Variants in ANKAR observed in about 807,000 individuals in gnomAD.
ANKAR encodes ankyrin and armadillo repeat-containing protein.
ANKAR carries 136 observed loss-of-function variants against 146.2 expected under a neutral mutation model. That is an observed-to-expected ratio of 0.93 (90% confidence interval 0.81 to 1.07). ANKAR has a LOEUF of 1.07. Ranked by LOEUF, ANKAR falls within the 50% of genes least tolerant of loss-of-function variation. The pLI is 0.00. For synonymous variants in ANKAR, 500 were observed against 575.8 expected, an observed-to-expected ratio of 0.87 and a Z score of 1.88; for missense variants, 1,567 against 1,679.9, an observed-to-expected ratio of 0.93 and a Z score of 1.18.
rs1463678844 is a variant in ANKAR, at chr2:189,676,678, C to T, written c.188C>T (p.Ser63Phe). 8.7e-6 allele frequency: 14 copies of T among 1,614,166 alleles called. No homozygotes were observed. Among genetic ancestry groups the T allele is most frequent in the African/African-American group, 1.3e-5 (1 of 75,026 alleles). ...TTGTCTGCCAAAGAGGATGTGCGCT[C>T]TCAAGTAGACCTCCCATGTGGAATT... ...SWLSAKEDVR[S>F]QVDLPCGIMS... The change falls in exon 2 of 23, where the codon TCT becomes TTT. Residue 63 changes from serine to phenylalanine, a missense_variant. Coordinates refer to ENST00000684021, the MANE Select transcript of ANKAR (RefSeq NM_001378068.1).
In ANKAR at chr2:189,730,505, T is replaced by A; in HGVS notation, c.3204T>A (p.His1068Gln). The A allele has an allele frequency of 6.3e-7, 1 of 1,598,380 alleles. No individual in the cohort carries two copies. The highest frequency in any genetic ancestry group is 8.5e-7 in the Non-Finnish European group (1 of 1,170,462). The change falls in exon 16 of 23, where the codon CAT becomes CAA. Residue 1068 changes from histidine to glutamine, a missense_variant. His to Gln is a conservative substitution (Grantham distance 24). Transcript: ENST00000684021. Reference protein sequence around the residue: ...AVGSICIGVAHTSNPVSQQLV... With the variant: ...AVGSICIGVAQTSNPVSQQLV... ...CGTGGACTCTTACAGGTGTAGCCCA[T>A]ACAAGCAATCCTGTCAGTCAACAAT...
Position 189,737,834 on chromosome 2 carries a change from C to A in ANKAR, c.3575C>A (p.Ala1192Glu). The A allele has an allele frequency of 6.5e-7, 1 of 1,549,686 alleles. No individual in the cohort carries two copies. Among genetic ancestry groups the A allele is most frequent in the South Asian group, 1.2e-5 (1 of 80,724 alleles). Reference protein sequence around the residue: ...STVETEKAMAAFQIVVLAKVI... With the variant: ...STVETEKAMAEFQIVVLAKVI... ...GTTGAAACTGAGAAGGCAATGGCAG[C>A]ATTTCAGGTATAAAATTGAGATTAA... Residue 1192 changes from alanine (A) to glutamate (E), a missense_variant, in exon 18 of 23, where the codon GCA becomes GAA. Physicochemically the swap from Ala to Glu is moderately radical, Grantham distance 107. Coordinates refer to ENST00000684021, the MANE Select transcript of ANKAR (RefSeq NM_001378068.1).
chr2:189,712,125 C>G (rs556905176), intron 10 of ANKAR, among the ~76,000 whole-genome samples: 7 of 149,554 alleles, frequency 4.7e-5, no homozygotes, highest in Non-Finnish European at 8.9e-5. Context: ...CTGCAGCTCA[C>G]CAAGGCCTGC....
downstream of ANKAR, chr2:189,746,760 A>G (rs1284986373): frequency 1.0e-6 from 1 of 1,000,430 alleles, no homozygotes; most frequent in Non-Finnish European, 1.4e-6. Flanking sequence ...TACTAAGCAG[A>G]TTTTCCTTAG....
At chr2:189,717,494 G>A (rs2040629488) in intron 10 of ANKAR, among the ~76,000 whole-genome samples, 1 of 152,156 alleles carries the variant, frequency 6.6e-6, no homozygotes, top group Non-Finnish European at 1.5e-5. Flanking sequence ...TGGTGGGAGT[G>A]TAAACTAGTT....
intron 17 of ANKAR, among the ~76,000 whole-genome samples, chr2:189,736,499 G>GTTTTT (rs71938893): frequency 0.014 from 1,638 of 113,700 alleles, 223 homozygotes; most frequent in Admixed American, 0.024. Flanking sequence ...AGGTGACTGG[G>GTTTTT]TTTTGTGTGT....
intron 12 of ANKAR, among the ~76,000 whole-genome samples, chr2:189,725,277 TATACAC>T (rs2041745578): frequency 1.5e-5 from 1 of 66,268 alleles, no homozygotes. Context: ...TATATGGATT[TATACAC>T]ACACACACAC....
rs184735181 is a variant in ANKAR, at chr2:189,724,354, T to A, written c.2636-3502T>A. On this transcript the variant is annotated intron_variant, in intron 12 of 22. Transcript: ENST00000684021. ...TGACTCTCTATCACCTAGGATATGA[T>A]CCATGTTTCCAGCATGGCCTATAGC... 3.9e-5 allele frequency among the ~76,000 whole-genome samples: 6 copies of A among 152,320 alleles called. No homozygotes were observed. The East Asian group carries it at 1.2e-3, about 29-fold the overall frequency.
At chr2:189,717,800 C>T (rs1417777371) in intron 10 of ANKAR, among the ~76,000 whole-genome samples, 6 of 152,018 alleles carry the variant, frequency 3.9e-5, no homozygotes, top group African/African-American at 1.2e-4. Context: ...ACATGGATGA[C>T]GCTGGAAACC....
chr2:189,756,558 T>G (rs115614782), intron 18 of ANKAR, among the ~76,000 whole-genome samples: 1 of 152,208 alleles, frequency 6.6e-6, no homozygotes, highest in Non-Finnish European at 1.5e-5. Flanking sequence ...AATGAAATGA[T>G]CTGATTTCAA....
intron 17 of ANKAR, among the ~76,000 whole-genome samples, chr2:189,736,502 TTGTG>T (rs1216423870): frequency 1.4e-5 from 2 of 141,986 alleles, no homozygotes; most frequent in African/African-American, 5.1e-5. Context: ...TGACTGGGTT[TTGTG>T]TGTGTGTGTG....
chr2:189,736,237 C>T (rs1448645580), intron 17 of ANKAR, among the ~76,000 whole-genome samples: 1 of 152,166 alleles, frequency 6.6e-6, no homozygotes, highest in Non-Finnish European at 1.5e-5. Flanking sequence ...TAGACTTCCA[C>T]AGTGATACCG....
intron 16 of ANKAR, 32 bp from the exon 17 acceptor site, chr2:189,733,075 T>G (rs1400146740): frequency 3.2e-6 from 5 of 1,585,602 alleles, no homozygotes; most frequent in East Asian, 4.5e-5. Flanking sequence ...AAAGCATAAT[T>G]GAAAAGTAAT....
intron 7 of ANKAR, among the ~76,000 whole-genome samples, chr2:189,699,004 T>G (rs2037668454): frequency 6.6e-6 from 1 of 152,210 alleles, no homozygotes; most frequent in Non-Finnish European, 1.5e-5. Flanking sequence ...ATAAATTTAT[T>G]TAGTTAGTTA....
intron 10 of ANKAR, among the ~76,000 whole-genome samples, chr2:189,712,314 T>C (rs2105721764): frequency 6.6e-6 from 1 of 152,168 alleles, no homozygotes; most frequent in East Asian, 1.9e-4. Flanking sequence ...CCTCACCCCC[T>C]TGTAGCCTAA....
At chr2:189,759,219 C>G (rs1396239035) in intron 18 of ANKAR, among the ~76,000 whole-genome samples, 2 of 152,010 alleles carry the variant, frequency 1.3e-5, no homozygotes, top group African/African-American at 2.4e-5. Context: ...TAATGCCACC[C>G]TCCCGTAATT....
chr2:189,754,443 A>T (rs2045759158), intron 18 of ANKAR: 2 of 1,126,052 alleles, frequency 1.8e-6, no homozygotes, highest in African/African-American at 1.6e-5. Flanking sequence ...AAAACAAAAA[A>T]CCCCTGAATG....
chr2:189,715,007 C>A (rs2040243755), intron 10 of ANKAR, among the ~76,000 whole-genome samples: 1 of 149,476 alleles, frequency 6.7e-6, no homozygotes, highest in Non-Finnish European at 1.5e-5. Context: ...AAAATTGACA[C>A]CCTAACATCA....
At chr2:189,728,499 A>G in intron 14 of ANKAR, 79 bp downstream of exon 14, 1 of 1,481,014 alleles carries the variant, frequency 6.8e-7, no homozygotes, top group Non-Finnish European at 9.1e-7. Flanking sequence ...GTGCAGTGGC[A>G]CAATTATAGC....
Sources: allele counts gnomAD v4.1 joint callset (sites outside exome capture counted in the v4.1 genomes callset), GRCh38; gene constraint gnomAD v4.1.1; transcripts MANE v1.5; gene names NCBI Gene and HGNC (gene_info 2026-07-23, HGNC 2026-07-21).